Variants in CALN1 observed in about 807,000 individuals in gnomAD.
CALN1 encodes the protein calcium-binding protein 8.
In CALN1, 17 loss-of-function variants were observed where a neutral mutation model predicts 30.6. The observed-to-expected ratio is 0.56, with a 90% CI of 0.38 to 0.83. CALN1 has a LOEUF of 0.83. CALN1 is among the 40% of genes least tolerant of loss of function. CALN1 has a pLI of 0.00. For synonymous variants in CALN1, 156 were observed against 131.4 expected, an observed-to-expected ratio of 1.19 and a Z score of -1.28; for missense variants, 291 against 354.9, an observed-to-expected ratio of 0.82 and a Z score of 1.45.
chr7:71,946,968 C>A (rs940939341), intron 5 of CALN1, among the ~76,000 whole-genome samples: 1 of 152,200 alleles, frequency 6.6e-6, no homozygotes, highest in East Asian at 1.9e-4. Context: ...GCATGAACCA[C>A]CATGCAGAAG....
intron 5 of CALN1, among the ~76,000 whole-genome samples, chr7:71,996,263 GATA>G (rs1231120966): frequency 2.0e-5 from 3 of 152,162 alleles, no homozygotes; most frequent in Admixed American, 1.3e-4. Flanking sequence ...AAATATCTGC[GATA>G]ATAATAGAAA....
chr7:72,385,414 G>T (rs935312958), intron 2 of CALN1, among the ~76,000 whole-genome samples: 3 of 152,096 alleles, frequency 2.0e-5, no homozygotes, highest in Non-Finnish European at 4.4e-5. Context: ...CCTTTAATAA[G>T]TGAACGGATA....
chr7:71,900,085 C>A (rs761521942), intron 5 of CALN1, among the ~76,000 whole-genome samples: 3 of 151,932 alleles, frequency 2.0e-5, no homozygotes, highest in Admixed American at 6.6e-5. Context: ...AATAGGAGAA[C>A]GAAGATGAAA....
chr7:72,274,437 G>A (rs183194256), intron 3 of CALN1, among the ~76,000 whole-genome samples: 20 of 151,748 alleles, frequency 1.3e-4, no homozygotes, highest in East Asian at 3.9e-4. Flanking sequence ...GAACCTGGGA[G>A]GTGGAGGTTG....
intron 5 of CALN1, among the ~76,000 whole-genome samples, chr7:71,974,893 T>C (rs1201651334): frequency 6.6e-6 from 1 of 152,150 alleles, no homozygotes. Context: ...CAGGCTCCAT[T>C]TGGGCAATAG....
At chr7:72,393,760 T>TC (rs1805740355) in intron 2 of CALN1, among the ~76,000 whole-genome samples, 1 of 110,810 alleles carries the variant, frequency 9.0e-6, no homozygotes, top group Non-Finnish European at 1.9e-5. Flanking sequence ...TTTTTTTTTT[T>TC]CTATTTTGAG....
upstream of CALN1, among the ~76,000 whole-genome samples, chr7:72,447,882 T>A (rs1176479550): frequency 1.4e-5 from 2 of 144,198 alleles, no homozygotes; most frequent in African/African-American, 5.3e-5. Context: ...TGCCTGCCCA[T>A]ACCACACACA....
chr7:72,320,076 G>T (rs1276908324), intron 2 of CALN1, among the ~76,000 whole-genome samples: 1 of 151,920 alleles, frequency 6.6e-6, no homozygotes, highest in South Asian at 2.1e-4. Context: ...AGCTGAGATC[G>T]TGCCGTTACA....
chr7:72,313,252 A>G (rs1167868879), intron 2 of CALN1, among the ~76,000 whole-genome samples: 1 of 152,220 alleles, frequency 6.6e-6, no homozygotes, highest in Non-Finnish European at 1.5e-5. Flanking sequence ...TTCGGTACAT[A>G]ACAAAAACGA....
intron 5 of CALN1, among the ~76,000 whole-genome samples, chr7:71,986,429 C>T (rs992203766): frequency 6.6e-6 from 1 of 152,170 alleles, no homozygotes; most frequent in African/African-American, 2.4e-5. Flanking sequence ...CAGTCTTACA[C>T]CATTTAGATA....
At position 71,868,569 on chromosome 7, in the gene CALN1, G is replaced by A. The variant is rs11972372; in HGVS notation, c.502-58077C>T. Among the ~76,000 whole-genome samples the A allele has an allele frequency of 1.9e-3, 285 of 151,842 alleles. 1 individual carries two copies. The highest frequency in any genetic ancestry group is 6.5e-3 in the African/African-American group (271 of 41,414). ...GTAGTTTTAGTAGAGACAGGGTTTC[G>A]CCACGTTAGCTGGGTTGGTCTCGAA... On this transcript the variant is annotated intron_variant, in intron 5 of 6. Transcript: ENST00000395275.
chr7:72,371,702 C>T (rs552822571), intron 2 of CALN1, among the ~76,000 whole-genome samples: 3 of 152,318 alleles, frequency 2.0e-5, no homozygotes, highest in African/African-American at 7.2e-5. Flanking sequence ...ATGTATTATG[C>T]ATGCATGTAT....
At chr7:72,265,559 T>C (rs1796543947) in intron 3 of CALN1, among the ~76,000 whole-genome samples, 1 of 152,118 alleles carries the variant, frequency 6.6e-6, no homozygotes, top group Non-Finnish European at 1.5e-5. Context: ...GGGAGCACGA[T>C]GGGGCTTAAT....
intron 5 of CALN1, among the ~76,000 whole-genome samples, chr7:72,013,457 G>A (rs73368118): frequency 2.0e-5 from 3 of 151,716 alleles, no homozygotes; most frequent in East Asian, 3.9e-4. Flanking sequence ...TCACTATGTC[G>A]CCTAGGCTCC....
At chr7:72,142,007 C>T (rs916558428) in intron 3 of CALN1, among the ~76,000 whole-genome samples, 4 of 152,116 alleles carry the variant, frequency 2.6e-5, no homozygotes, top group Admixed American at 1.3e-4. Context: ...CCAAGATGGC[C>T]GAATAGGAAC....
intron 3 of CALN1, among the ~76,000 whole-genome samples, chr7:72,251,175 T>A (rs1472018699): frequency 1.3e-5 from 2 of 152,166 alleles, no homozygotes; most frequent in Non-Finnish European, 2.9e-5. Flanking sequence ...AGCCCTTCAA[T>A]TCTGCTTCTG....
chr7:72,167,261 G>A (rs116032125), intron 3 of CALN1, among the ~76,000 whole-genome samples: 2,914 of 152,272 alleles, frequency 0.019, 96 homozygotes, highest in African/African-American at 0.066. Context: ...AGTACGTGGG[G>A]CTGCTACCCA....
At chr7:71,967,013 T>C (rs1797561600) in intron 5 of CALN1, among the ~76,000 whole-genome samples, 1 of 152,230 alleles carries the variant, frequency 6.6e-6, no homozygotes, top group South Asian at 2.1e-4. Context: ...CATGATGTCA[T>C]TGGTTTTTAT....
the CALN1 span, among the ~76,000 whole-genome samples, chr7:72,460,368 A>C: frequency 6.6e-6 from 1 of 152,074 alleles, no homozygotes; most frequent in South Asian, 2.1e-4. Flanking sequence ...GTGGTGGCTC[A>C]TGCCTGTAAT....
Sources: allele counts gnomAD v4.1 joint callset (sites outside exome capture counted in the v4.1 genomes callset), GRCh38; gene constraint gnomAD v4.1.1; transcripts MANE v1.5; gene names NCBI Gene and HGNC (gene_info 2026-07-23, HGNC 2026-07-21).